SOX5: variants seen among roughly 807,000 people sequenced by gnomAD.
SOX5 encodes SRY-box transcription factor 5.
Under a neutral mutation model 92.0 loss-of-function variants are expected in SOX5, and 9 were observed. The ratio of observed to expected loss-of-function variants is 0.10; its 90% CI spans 0.06 to 0.17. The LOEUF (loss-of-function observed/expected upper bound fraction) is 0.17. Among genes scored for constraint, SOX5 ranks in the 10% least tolerant of loss-of-function variants. The pLI, the probability that SOX5 is intolerant of heterozygous loss-of-function variation, is 1.00. For missense variants in SOX5, 642 were observed against 944.5 expected, an observed-to-expected ratio of 0.68 and a Z score of 4.20; for synonymous variants, 344 against 336.3, an observed-to-expected ratio of 1.02 and a Z score of -0.25.
intron 3 of SOX5, among the ~76,000 whole-genome samples, chr12:24,216,947 G>A (rs992690270): frequency 5.9e-5 from 9 of 152,056 alleles, no homozygotes; most frequent in South Asian, 2.1e-4. Context: ...ATAAAACTAC[G>A]AACATGAGGC....
chr12:24,382,821 G>A (rs1202766460), intron 1 of SOX5, among the ~76,000 whole-genome samples: 1 of 152,096 alleles, frequency 6.6e-6, no homozygotes, highest in Non-Finnish European at 1.5e-5. Context: ...GGATGATAAT[G>A]AGGTTTTGGT....
intron 1 of SOX5, among the ~76,000 whole-genome samples, chr12:24,540,470 T>C (rs1597754315): frequency 6.6e-6 from 1 of 152,128 alleles, no homozygotes; most frequent in South Asian, 2.1e-4. Flanking sequence ...TGTGCACACA[T>C]ATGCAAGCAC....
chr12:23,970,841 A>ATATATATATATATATATATTTTTTTT, intron 4 of SOX5, among the ~76,000 whole-genome samples: 3 of 21,878 alleles, frequency 1.4e-4, no homozygotes, highest in Admixed American at 7.7e-4. Context: ...TATATATATA[A>ATATATATATATATATATATTTTTTTT]TTTTTTTTTT....
chr12:23,802,128 C>T (rs865965129), intron 3 of SOX5, among the ~76,000 whole-genome samples: 21 of 152,172 alleles, frequency 1.4e-4, no homozygotes, highest in Middle Eastern at 3.4e-3. Flanking sequence ...GGCTGGAGTG[C>T]AGTGGTGCGA....
intron 8 of SOX5, 136 bp downstream of exon 8, chr12:23,640,676 G>A (rs1404249904): frequency 2.9e-6 from 2 of 679,932 alleles, no homozygotes; most frequent in African/African-American, 1.8e-5. Flanking sequence ...TGTGGTTGAG[G>A]ATCATTACAA....
intron 11 of SOX5, among the ~76,000 whole-genome samples, chr12:23,549,367 T>A (rs906665635): frequency 6.6e-6 from 1 of 151,856 alleles, no homozygotes; most frequent in South Asian, 2.1e-4. Flanking sequence ...GTGATATAGA[T>A]CTTATAATCT....
At chr12:23,626,671 C>CTT (rs370910356) in intron 8 of SOX5, among the ~76,000 whole-genome samples, 7,653 of 116,470 alleles carry the variant, frequency 0.066, 458 homozygotes, top group African/African-American at 0.082. Context: ...TTCATTAGTG[C>CTT]TTTTTTTTTT....
Position 24,320,879 on chromosome 12 carries a change from AT to A in SOX5, c.-173-43568del, listed in dbSNP as rs1950159219. 7.3e-5 allele frequency among the ~76,000 whole-genome samples: 11 copies of A among 151,002 alleles called. No individual in the cohort carries two copies. The South Asian group carries it at 1.7e-3, about 23-fold the overall frequency. ...GACTCTGTCTCAAAAAAAAATAATAATAATAATAATAATAATAATATACAGT... is the reference window on the plus strand; with the variant it reads ...GACTCTGTCTCAAAAAAAAATAATAAAATAATAATAATAATAATATACAGT... On this transcript the variant is annotated intron_variant, in intron 2 of 4. Transcript: ENST00000446891.
At chr12:23,773,988 G>A (rs2095022639) in intron 3 of SOX5, among the ~76,000 whole-genome samples, 1 of 151,948 alleles carries the variant, frequency 6.6e-6, no homozygotes, top group South Asian at 2.1e-4. Flanking sequence ...GCAGATGTAG[G>A]CAAGGTATTT....
chr12:23,608,116 A>G (rs2075484217), intron 8 of SOX5, among the ~76,000 whole-genome samples: 1 of 74,214 alleles, frequency 1.3e-5, no homozygotes, highest in African/African-American at 5.0e-5. Flanking sequence ...AAGAAAAAAG[A>G]AAAAAAAAAA....
chr12:24,064,801 GA>G (rs1045174161), intron 4 of SOX5, among the ~76,000 whole-genome samples: 1 of 152,160 alleles, frequency 6.6e-6, no homozygotes, highest in African/African-American at 2.4e-5. Flanking sequence ...ACATGTCTCA[GA>G]AGAGGTGTCA....
At chr12:23,794,714 T>C (rs2095533736) in intron 3 of SOX5, among the ~76,000 whole-genome samples, 1 of 152,158 alleles carries the variant, frequency 6.6e-6, no homozygotes, top group Non-Finnish European at 1.5e-5. Context: ...ATCCTTTTCA[T>C]AAAAGTATAG....
At chr12:24,431,534 A>C (rs1396201) in intron 1 of SOX5, among the ~76,000 whole-genome samples, 150,589 of 152,288 alleles carry the variant, frequency 0.99, 74,477 homozygotes, top group East Asian at 1. Flanking sequence ...TCCTTGTATT[A>C]TTTTGTGTTC....
chr12:24,358,434 A>G (rs114260612), intron 2 of SOX5, among the ~76,000 whole-genome samples: 205 of 152,220 alleles, frequency 1.3e-3, no homozygotes, highest in African/African-American at 4.8e-3. Context: ...TTTGTTTTGT[A>G]TCTTTCCCAA....
chr12:23,556,572 T>C (rs1020008945), intron 11 of SOX5, among the ~76,000 whole-genome samples: 30 of 152,240 alleles, frequency 2.0e-4, no homozygotes, highest in African/African-American at 7.0e-4. Flanking sequence ...CAAAGGTCTA[T>C]CTTATTTTCC....
At chr12:24,471,587 T>C (rs922622397) in intron 1 of SOX5, among the ~76,000 whole-genome samples, 2 of 152,178 alleles carry the variant, frequency 1.3e-5, no homozygotes, top group African/African-American at 4.8e-5. Flanking sequence ...AATCTACTTG[T>C]GTCTTCTAAA....
At chr12:24,412,418 G>T (rs1442719280) in intron 1 of SOX5, among the ~76,000 whole-genome samples, 1 of 151,850 alleles carries the variant, frequency 6.6e-6, no homozygotes, top group Non-Finnish European at 1.5e-5. Flanking sequence ...CCTGTGTGGT[G>T]TGCCATAAAC....
chr12:24,180,276 T>A (rs1489156981), intron 4 of SOX5, among the ~76,000 whole-genome samples: 1 of 152,062 alleles, frequency 6.6e-6, no homozygotes, highest in African/African-American at 2.4e-5. Flanking sequence ...TTACGGCTTC[T>A]CCCTCCATGT....
chr12:23,619,421 G>A (rs2138035196), intron 8 of SOX5, among the ~76,000 whole-genome samples: 1 of 152,238 alleles, frequency 6.6e-6, no homozygotes, highest in African/African-American at 2.4e-5. Context: ...CCAAGAAAGA[G>A]TAAAAGTCAT....
Sources: allele counts gnomAD v4.1 joint callset (sites outside exome capture counted in the v4.1 genomes callset), GRCh38; gene constraint gnomAD v4.1.1; transcripts MANE v1.5; gene names NCBI Gene and HGNC (gene_info 2026-07-23, HGNC 2026-07-21).